PRR16: variants seen among roughly 807,000 people sequenced by gnomAD.
PRR16 encodes the protein proline rich 16, also known as protein Largen.
Under a neutral mutation model 18.2 loss-of-function variants are expected in PRR16, and 6 were observed. The ratio of observed to expected loss-of-function variants is 0.33; its 90% CI spans 0.18 to 0.65. PRR16 has a LOEUF of 0.65. PRR16 is among the 30% of genes least tolerant of loss of function. The pLI is 0.74. For missense variants in PRR16, 412 were observed against 376.6 expected, an observed-to-expected ratio of 1.09 and a Z score of -0.78; for synonymous variants, 151 against 147.8, an observed-to-expected ratio of 1.02 and a Z score of -0.16.
chr5:120,738,556 G>T, the PRR16 span, among the ~76,000 whole-genome samples: 2 of 152,080 alleles, frequency 1.3e-5, no homozygotes, highest in Non-Finnish European at 2.9e-5. Flanking sequence ...GTGAGGGAAT[G>T]ATTTTTGCAT....
chr5:120,648,004 TTAAC>T (rs369724541), intron 1 of PRR16, among the ~76,000 whole-genome samples: 19 of 152,214 alleles, frequency 1.2e-4, no homozygotes, highest in African/African-American at 4.6e-4. Context: ...GGGTTAGCAA[TTAAC>T]TAAAATTAGA....
chr5:120,487,712 C>G lies in PRR16; in HGVS notation c.159+23067C>G, dbSNP rs1463659084. 2.6e-5 allele frequency among the ~76,000 whole-genome samples: 4 copies of G among 152,160 alleles called. No individual in the cohort carries two copies. The East Asian group carries it at 7.7e-4, about 29-fold the overall frequency. ...GAATAGGAGTGGTGAGAGAGGGCATCCCTGTCTTGTGCCAGTTTTCAAAGG... is the reference window on the plus strand; with the variant it reads ...GAATAGGAGTGGTGAGAGAGGGCATGCCTGTCTTGTGCCAGTTTTCAAAGG... On this transcript the variant is annotated intron_variant, in intron 1 of 1. Coordinates refer to ENST00000407149, the MANE Select transcript of PRR16 (RefSeq NM_001300783.2).
the PRR16 span, among the ~76,000 whole-genome samples, chr5:120,712,998 A>T: frequency 1.3e-5 from 2 of 152,192 alleles, no homozygotes; most frequent in East Asian, 3.9e-4. Flanking sequence ...TAGTAACTTG[A>T]AGAGATATCT....
intron 1 of PRR16, among the ~76,000 whole-genome samples, chr5:120,507,665 A>G (rs1750689377): frequency 2.0e-5 from 3 of 152,142 alleles, no homozygotes; most frequent in Middle Eastern, 6.8e-3. Flanking sequence ...GCTTTGTTTT[A>G]TATTTTTTTA....
At chr5:120,731,727 T>A in the PRR16 span, among the ~76,000 whole-genome samples, 1 of 152,204 alleles carries the variant, frequency 6.6e-6, no homozygotes, top group Non-Finnish European at 1.5e-5. Context: ...CTCTTAATTT[T>A]CACATCAAAA....
chr5:120,552,248 G>C (rs892295656), intron 1 of PRR16, among the ~76,000 whole-genome samples: 3 of 151,822 alleles, frequency 2.0e-5, no homozygotes, highest in African/African-American at 7.3e-5. Context: ...GTTGTCATTG[G>C]GAGGTATTTC....
At chr5:120,564,022 C>T (rs1332998036) in intron 1 of PRR16, among the ~76,000 whole-genome samples, 1 of 152,080 alleles carries the variant, frequency 6.6e-6, no homozygotes, top group African/African-American at 2.4e-5. Context: ...CCTTTTGGCC[C>T]AGGGTGTGTC....
At chr5:120,517,347 C>T (rs1163413040) in intron 1 of PRR16, among the ~76,000 whole-genome samples, 1 of 152,134 alleles carries the variant, frequency 6.6e-6, no homozygotes, top group Non-Finnish European at 1.5e-5. Context: ...CCATCCACCA[C>T]AGAGTGATTC....
chr5:120,721,148 C>T, the PRR16 span, among the ~76,000 whole-genome samples: 1 of 151,928 alleles, frequency 6.6e-6, no homozygotes, highest in Non-Finnish European at 1.5e-5. Flanking sequence ...TTCATTCATC[C>T]ATTTATTAAA....
intron 1 of PRR16, among the ~76,000 whole-genome samples, chr5:120,490,258 G>C (rs917911762): frequency 6.6e-6 from 1 of 152,122 alleles, no homozygotes; most frequent in Non-Finnish European, 1.5e-5. Context: ...TTCCATCTTG[G>C]TTCCATTCTC....
chr5:120,722,396 TTAATG>T, the PRR16 span, among the ~76,000 whole-genome samples: 3 of 152,030 alleles, frequency 2.0e-5, no homozygotes, highest in Non-Finnish European at 2.9e-5. Context: ...ATGTTAAACT[TTAATG>T]TAATAAATTA....
chr5:120,467,985 C>T (rs939121341), intron 1 of PRR16, among the ~76,000 whole-genome samples: 1 of 151,968 alleles, frequency 6.6e-6, no homozygotes, highest in African/African-American at 2.4e-5. Context: ...CAGTGAGCTC[C>T]AAAGGTTAGT....
At chr5:120,617,730 A>G (rs1012572434) in intron 1 of PRR16, among the ~76,000 whole-genome samples, 7 of 152,166 alleles carry the variant, frequency 4.6e-5, no homozygotes, top group Admixed American at 2.6e-4. Context: ...TATTAAGACA[A>G]TAGTCTTTTT....
chr5:120,751,314 G>A, the PRR16 span, among the ~76,000 whole-genome samples: 3 of 152,184 alleles, frequency 2.0e-5, no homozygotes, highest in South Asian at 6.2e-4. Flanking sequence ...GGATTATATG[G>A]TAATTCTATG....
At chr5:120,740,989 A>G in the PRR16 span, among the ~76,000 whole-genome samples, 3 of 151,912 alleles carry the variant, frequency 2.0e-5, no homozygotes, top group Non-Finnish European at 4.4e-5. Context: ...ATATACCTCA[A>G]TGTATTTAAT....
At chr5:120,626,423 T>C (rs1209837397) in intron 1 of PRR16, among the ~76,000 whole-genome samples, 1 of 151,998 alleles carries the variant, frequency 6.6e-6, no homozygotes, top group Non-Finnish European at 1.5e-5. Flanking sequence ...AATCAGAAAG[T>C]AGATTATTGG....
intron 1 of PRR16, among the ~76,000 whole-genome samples, chr5:120,498,987 AG>A (rs1403895428): frequency 1.5e-4 from 23 of 151,604 alleles, no homozygotes; most frequent in African/African-American, 5.1e-4. Context: ...GTTGATTATG[AG>A]GTATCTTAGT....
At chr5:120,617,593 A>G (rs1405332353) in intron 1 of PRR16, among the ~76,000 whole-genome samples, 1 of 152,158 alleles carries the variant, frequency 6.6e-6, no homozygotes, top group Non-Finnish European at 1.5e-5. Context: ...TAGAATATTC[A>G]CACTTTTTAT....
At chr5:120,574,300 G>A (rs1753005575) in intron 1 of PRR16, among the ~76,000 whole-genome samples, 2 of 151,970 alleles carry the variant, frequency 1.3e-5, no homozygotes, top group South Asian at 4.1e-4. Flanking sequence ...GATATGAATA[G>A]CCACTTTATA....
Sources: gnomAD v4.1 joint callset for allele counts (sites outside exome capture counted in the v4.1 genomes callset) on GRCh38, gnomAD v4.1.1 for gene constraint, MANE v1.5 for transcripts, NCBI Gene and HGNC (gene_info 2026-07-23, HGNC 2026-07-21) for gene names.